Variants in CNTNAP5 observed in about 807,000 individuals in gnomAD.
The protein encoded by CNTNAP5 is contactin-associated protein-like 5.
Under a neutral mutation model 150.2 loss-of-function variants are expected in CNTNAP5, and 72 were observed. The observed-to-expected ratio is 0.48, with a 90% CI of 0.40 to 0.58. The LOEUF is 0.58. Among genes scored for constraint, CNTNAP5 ranks in the 20% least tolerant of loss-of-function variants. The pLI, the probability that CNTNAP5 is intolerant of heterozygous loss-of-function variation, is 0.00. For missense variants in CNTNAP5, 1,636 were observed against 1,626.2 expected, an observed-to-expected ratio of 1.01 and a Z score of -0.10; for synonymous variants, 672 against 619.8, an observed-to-expected ratio of 1.08 and a Z score of -1.25.
intron 12 of CNTNAP5, among the ~76,000 whole-genome samples, chr2:124,623,706 A>G (rs757739226): frequency 6.6e-6 from 1 of 152,184 alleles, no homozygotes; most frequent in Non-Finnish European, 1.5e-5. Flanking sequence ...CCTTGGAAAC[A>G]CATCCACTGT....
chr2:124,416,316 T>G (rs1691916142), intron 3 of CNTNAP5, among the ~76,000 whole-genome samples: 1 of 151,946 alleles, frequency 6.6e-6, no homozygotes, highest in Non-Finnish European at 1.5e-5. Flanking sequence ...GGATATAGAA[T>G]GCTGGGTTGA....
chr2:124,087,462 G>A (rs985495920), intron 1 of CNTNAP5, among the ~76,000 whole-genome samples: 6 of 151,960 alleles, frequency 3.9e-5, no homozygotes, highest in South Asian at 4.2e-4. Flanking sequence ...AGTTGCTCAC[G>A]TCTGTAATCC....
chr2:124,659,361 T>C (rs914156768), intron 13 of CNTNAP5, among the ~76,000 whole-genome samples: 1 of 152,118 alleles, frequency 6.6e-6, no homozygotes, highest in African/African-American at 2.4e-5. Context: ...AGCGAAGATA[T>C]GAAGCTTCCT....
intron 1 of CNTNAP5, among the ~76,000 whole-genome samples, chr2:124,216,642 T>C (rs1165228921): frequency 6.6e-6 from 1 of 152,174 alleles, no homozygotes; most frequent in South Asian, 2.1e-4. Flanking sequence ...ATGCGGTGTT[T>C]GGTTTTTTGT....
chr2:124,371,148 C>A (rs1690515478), intron 3 of CNTNAP5, among the ~76,000 whole-genome samples: 1 of 152,032 alleles, frequency 6.6e-6, no homozygotes, highest in Non-Finnish European at 1.5e-5. Flanking sequence ...GTCAGAAAAT[C>A]TTTCTTAGGT....
At chr2:124,175,259 A>G (rs904931310) in intron 1 of CNTNAP5, among the ~76,000 whole-genome samples, 1 of 152,202 alleles carries the variant, frequency 6.6e-6, no homozygotes, top group Non-Finnish European at 1.5e-5. Flanking sequence ...GCTTACATAT[A>G]TATAATTTAG....
At chr2:124,417,024 G>C (rs189976324) in intron 3 of CNTNAP5, among the ~76,000 whole-genome samples, 3 of 140,244 alleles carry the variant, frequency 2.1e-5, no homozygotes, top group African/African-American at 8.0e-5. Context: ...TGCAACCTCC[G>C]CCTCCTGGGT....
At chr2:124,543,986 A>G (rs1393630581) in intron 10 of CNTNAP5, among the ~76,000 whole-genome samples, 2 of 152,034 alleles carry the variant, frequency 1.3e-5, no homozygotes, top group South Asian at 2.1e-4. Context: ...GTTCAAATCC[A>G]TAGAGAACTA....
In CNTNAP5 at chr2:124,543,552, C is replaced by T. The variant is rs76962285; in HGVS notation, c.1649+16096C>T. 8.0e-3 allele frequency among the ~76,000 whole-genome samples: 1,216 copies of T among 152,268 alleles called. 11 individuals carry two copies. The highest frequency in any genetic ancestry group is 0.027 in the African/African-American group (1,118 of 41,572). On this transcript the variant is annotated intron_variant, in intron 10 of 23. Coordinates refer to ENST00000682447, the MANE Select transcript of CNTNAP5 (RefSeq NM_001367498.1). ...TTTTCGTGGAAGGATGCTGATGTGT[C>T]TGTAACCATGTCGGCTGTTTATCTG...
intron 14 of CNTNAP5, among the ~76,000 whole-genome samples, chr2:124,761,591 ATC>A (rs748179648): frequency 7.2e-5 from 11 of 152,062 alleles, no homozygotes; most frequent in Non-Finnish European, 1.5e-4. Flanking sequence ...TTTTATACTT[ATC>A]TCTCTTTCCC....
intron 6 of CNTNAP5, among the ~76,000 whole-genome samples, chr2:124,472,240 C>G (rs1478474827): frequency 1.3e-5 from 2 of 151,986 alleles, no homozygotes; most frequent in Non-Finnish European, 2.9e-5. Flanking sequence ...TTGTCTGTCA[C>G]ATGGATTTTT....
intron 21 of CNTNAP5, among the ~76,000 whole-genome samples, chr2:124,900,392 G>T (rs1678392275): frequency 6.6e-6 from 1 of 151,190 alleles, no homozygotes; most frequent in Non-Finnish European, 1.5e-5. Context: ...AAGAATCTGA[G>T]AAATCATGAT....
At chr2:124,564,213 T>G (rs1473992008) in intron 11 of CNTNAP5, among the ~76,000 whole-genome samples, 3 of 152,088 alleles carry the variant, frequency 2.0e-5, no homozygotes, top group Non-Finnish European at 2.9e-5. Flanking sequence ...TCAAATAGTT[T>G]CAGATGGCTG....
chr2:124,573,194 A>C (rs1475732898), intron 11 of CNTNAP5, among the ~76,000 whole-genome samples: 1 of 152,234 alleles, frequency 6.6e-6, no homozygotes, highest in African/African-American at 2.4e-5. Flanking sequence ...AGGATTTAAA[A>C]GCAAAACTAA....
intron 3 of CNTNAP5, among the ~76,000 whole-genome samples, chr2:124,396,688 G>A (rs1253994222): frequency 6.6e-6 from 1 of 152,056 alleles, no homozygotes; most frequent in East Asian, 1.9e-4. Flanking sequence ...AGAAAGCCAT[G>A]AAAATAAAGA....
chr2:124,674,594 CCTT>C (rs1678899615), intron 13 of CNTNAP5, among the ~76,000 whole-genome samples: 1 of 144,990 alleles, frequency 6.9e-6, no homozygotes, highest in Non-Finnish European at 1.5e-5. Context: ...TCCTCCTACT[CCTT>C]CTTCTTCTTA....
At chr2:124,582,021 T>A (rs1184641942) in intron 11 of CNTNAP5, among the ~76,000 whole-genome samples, 1 of 152,146 alleles carries the variant, frequency 6.6e-6, no homozygotes, top group Non-Finnish European at 1.5e-5. Context: ...GATGGTGAAA[T>A]CTCTCTCTAC....
At chr2:124,366,223 T>C (rs1196027692) in intron 3 of CNTNAP5, among the ~76,000 whole-genome samples, 1 of 152,146 alleles carries the variant, frequency 6.6e-6, no homozygotes, top group African/African-American at 2.4e-5. Context: ...TCCAGGAGGT[T>C]ACTGCAAGAC....
intron 3 of CNTNAP5, among the ~76,000 whole-genome samples, chr2:124,410,397 A>G (rs562914683): frequency 3.3e-4 from 50 of 151,568 alleles, no homozygotes; most frequent in African/African-American, 1.1e-3. Context: ...CATGTACAGA[A>G]CTCTCCACCC....
Sources: allele counts gnomAD v4.1 joint callset (sites outside exome capture counted in the v4.1 genomes callset), GRCh38; gene constraint gnomAD v4.1.1; transcripts MANE v1.5; gene names NCBI Gene and HGNC (gene_info 2026-07-23, HGNC 2026-07-21).